CSMD1: variants seen among roughly 807,000 people sequenced by gnomAD.
CSMD1 encodes the protein CUB and Sushi multiple domains 1.
In CSMD1, 213 loss-of-function variants were observed where a neutral mutation model predicts 417.5. That is an observed-to-expected ratio of 0.51 (90% CI 0.46 to 0.57). CSMD1 has a LOEUF of 0.57. CSMD1 is among the 20% of genes least tolerant of loss of function. The probability of loss-of-function intolerance (pLI) is 0.00; values close to 1 mark genes in which losing one functional copy is unlikely to be tolerated. For synonymous variants in CSMD1, 2,862 were observed against 1,736.8 expected, an observed-to-expected ratio of 1.65 and a Z score of -16.11; for missense variants, 6,923 against 4,529.7, an observed-to-expected ratio of 1.53 and a Z score of -15.17.
chr8:4,168,235 A>G (rs551545200), intron 3 of CSMD1, among the ~76,000 whole-genome samples: 5 of 151,732 alleles, frequency 3.3e-5, no homozygotes, highest in Admixed American at 6.6e-5. Context: ...ACACAAACAC[A>G]CACAAAAAAA....
At chr8:3,090,830 G>C (rs778457924) in intron 48 of CSMD1, among the ~76,000 whole-genome samples, 4 of 152,026 alleles carry the variant, frequency 2.6e-5, no homozygotes, top group Non-Finnish European at 4.4e-5. Flanking sequence ...TGCTTCTGTA[G>C]GAAAGTTTAA....
At chr8:3,893,339 T>TTATATATATA (rs56848640) in intron 5 of CSMD1, among the ~76,000 whole-genome samples, 855 of 80,436 alleles carry the variant, frequency 0.011, 41 homozygotes, top group African/African-American at 0.027. Context: ...ATTCACAATT[T>TTATATATATA]TATATATATA....
chr8:4,445,175 C>G (rs979116146), intron 2 of CSMD1, among the ~76,000 whole-genome samples: 1 of 152,046 alleles, frequency 6.6e-6, no homozygotes, highest in African/African-American at 2.4e-5. Context: ...GAATCTGACA[C>G]CTTTTTTTTA....
chr8:3,409,651 G>T (rs142971966), intron 12 of CSMD1, 46 bp from the exon 13 acceptor site: 2 of 1,440,920 alleles, frequency 1.4e-6, no homozygotes, highest in South Asian at 1.4e-5. Context: ...CACACACAAG[G>T]AATATTTTTA....
At chr8:3,815,781 A>G (rs761320722) in intron 5 of CSMD1, among the ~76,000 whole-genome samples, 2 of 152,134 alleles carry the variant, frequency 1.3e-5, no homozygotes, top group Non-Finnish European at 2.9e-5. Flanking sequence ...CATTTGATCT[A>G]TAGTAGTGAG....
At chr8:4,709,993 G>T (rs1787364862) in intron 1 of CSMD1, among the ~76,000 whole-genome samples, 1 of 152,102 alleles carries the variant, frequency 6.6e-6, no homozygotes, top group Non-Finnish European at 1.5e-5. Flanking sequence ...TAAAAACTGG[G>T]TAATTAAATA....
intron 3 of CSMD1, among the ~76,000 whole-genome samples, chr8:4,320,124 A>G (rs1472578011): frequency 6.6e-6 from 1 of 152,236 alleles, no homozygotes. Flanking sequence ...CAAGTAATTT[A>G]ACTGTGTAAC....
rs1307407572 is a variant in CSMD1, at chr8:3,018,562, G to A, written c.7944C>T (p.Cys2648=). ...TVYGATAIFT[C]NTGYTLVGSH... is the part of the protein sequence containing the mutation. ...ACCCCACAAGCGTGTAGCCGGTGTT[G>A]CACGTAAATATAGCTGTGGCCCCAT... The change falls in exon 52 of 70, where the codon TGC becomes TGT. Residue 2648 remains cysteine, a synonymous_variant. Transcript: ENST00000635120. The A allele has an allele frequency of 1.9e-6, 3 of 1,613,502 alleles. No homozygotes were observed. In the East Asian group the frequency reaches 6.7e-5, roughly 36 times the overall value.
At chr8:2,962,328 T>G in intron 61 of CSMD1, 138 bp downstream of exon 61, 1 of 717,226 alleles carries the variant, frequency 1.4e-6, no homozygotes, top group South Asian at 2.1e-5. Context: ...TCCTACTCAG[T>G]GCAAAAATTA....
intron 64 of CSMD1, among the ~76,000 whole-genome samples, chr8:2,954,790 G>GAATT (rs1563177213): frequency 1.3e-5 from 2 of 152,132 alleles, no homozygotes; most frequent in African/African-American, 4.8e-5. Context: ...ATCAAACTAC[G>GAATT]AATTACCATT....
chr8:4,175,332 T>C (rs1330616138), intron 3 of CSMD1, among the ~76,000 whole-genome samples: 1 of 152,204 alleles, frequency 6.6e-6, no homozygotes, highest in Admixed American at 6.5e-5. Flanking sequence ...TAAAGTTATC[T>C]TCGTCACTTT....
intron 7 of CSMD1, among the ~76,000 whole-genome samples, chr8:3,694,280 A>G (rs1028747414): frequency 6.6e-6 from 1 of 152,054 alleles, no homozygotes; most frequent in Non-Finnish European, 1.5e-5. Flanking sequence ...TCAGGGGTCC[A>G]CACCTCACTT....
At chr8:3,811,553 A>G (rs1380947042) in intron 5 of CSMD1, among the ~76,000 whole-genome samples, 1 of 152,078 alleles carries the variant, frequency 6.6e-6, no homozygotes, top group Admixed American at 6.6e-5. Flanking sequence ...TTTTCTCTGC[A>G]CGCCTGACCA....
intron 5 of CSMD1, among the ~76,000 whole-genome samples, chr8:3,766,890 T>A (rs1871818): frequency 7.2e-5 from 11 of 151,926 alleles, no homozygotes; most frequent in Non-Finnish European, 1.5e-4. Context: ...CTTGATAGAC[T>A]GACGCAGACC....
At chr8:4,352,421 A>T (rs774511854) in intron 3 of CSMD1, among the ~76,000 whole-genome samples, 1 of 152,234 alleles carries the variant, frequency 6.6e-6, no homozygotes, top group Non-Finnish European at 1.5e-5. Context: ...CAGTATAAAT[A>T]TTTCCTTTTC....
chr8:3,252,391 C>G (rs1342840413), intron 26 of CSMD1, among the ~76,000 whole-genome samples: 1 of 152,188 alleles, frequency 6.6e-6, no homozygotes, highest in African/African-American at 2.4e-5. Context: ...TTGAACCAGC[C>G]TTGCATCCCA....
At chr8:3,996,316 T>C (rs531805645) in intron 5 of CSMD1, among the ~76,000 whole-genome samples, 37 of 152,348 alleles carry the variant, frequency 2.4e-4, no homozygotes, top group African/African-American at 8.7e-4. Context: ...CTATATATTT[T>C]ATACTTCAAT....
chr8:3,824,473 C>A (rs7812367), intron 5 of CSMD1, among the ~76,000 whole-genome samples: 117,979 of 152,104 alleles, frequency 0.78, 46,093 homozygotes, highest in African/African-American at 0.87. Flanking sequence ...CCCTAAGTGC[C>A]GTACCTCATA....
At chr8:4,417,179 A>G (rs1289409537) in intron 3 of CSMD1, among the ~76,000 whole-genome samples, 1 of 152,062 alleles carries the variant, frequency 6.6e-6, no homozygotes, top group Non-Finnish European at 1.5e-5. Flanking sequence ...ACTGTAAATA[A>G]TCAATGTTAG....
Sources: allele counts gnomAD v4.1 joint callset (sites outside exome capture counted in the v4.1 genomes callset), GRCh38; gene constraint gnomAD v4.1.1; transcripts MANE v1.5; gene names NCBI Gene and HGNC (gene_info 2026-07-23, HGNC 2026-07-21).